The following MRAP2 variants were observed in gnomAD, a reference collection of about 807,000 sequenced individuals.
The protein encoded by MRAP2 is melanocortin-2 receptor accessory protein 2.
A neutral mutation model predicts 17.4 loss-of-function variants in MRAP2; 20 were observed. The observed-to-expected ratio is 1.15, with a 90% CI of 0.81 to 1.67. MRAP2 has a LOEUF of 1.67. MRAP2 is among the 40% of genes most tolerant of loss of function. The probability of loss-of-function intolerance (pLI) is 0.00; values close to 1 mark genes in which losing one functional copy is unlikely to be tolerated. For missense variants in MRAP2, 238 were observed against 240.0 expected, an observed-to-expected ratio of 0.99 and a Z score of 0.05; for synonymous variants, 96 against 88.4, an observed-to-expected ratio of 1.09 and a Z score of -0.48.
rs114966101 is a variant in MRAP2 at position 84,053,622 on chromosome 6, G to A, written c.-7-1690G>A. Among the ~76,000 whole-genome samples, 852 of 152,274 alleles carry A rather than the reference G, an allele frequency of 5.6e-3. 10 individuals carry two copies. Among genetic ancestry groups the A allele is most frequent in the African/African-American group, 0.019 (790 of 41,558 alleles). On this transcript the variant is annotated intron_variant, in intron 1 of 3. Coordinates refer to ENST00000257776, the MANE Select transcript of MRAP2 (RefSeq NM_138409.4). ...TGGGTGTGTCTGAAGAACAAAGCGA[G>A]GCTTTTCTATTCAAGATCAGCATTT...
intron 1 of MRAP2, among the ~76,000 whole-genome samples, chr6:84,034,527 C>T (rs61314806): frequency 1.4e-5 from 2 of 147,298 alleles, no homozygotes; most frequent in African/African-American, 5.1e-5. Context: ...CCCCGTGCCC[C>T]GTGCCTTTCC....
the MRAP2 span, among the ~76,000 whole-genome samples, chr6:84,105,669 T>C: frequency 6.6e-6 from 1 of 152,124 alleles, no homozygotes; most frequent in African/African-American, 2.4e-5. Flanking sequence ...TCTACCTCCA[T>C]TGTGGAGTAG....
chr6:84,140,964 C>T, the MRAP2 span, among the ~76,000 whole-genome samples: 2 of 152,170 alleles, frequency 1.3e-5, no homozygotes, highest in Non-Finnish European at 1.5e-5. Flanking sequence ...TCAAGCTCAT[C>T]ACATTTATCA....
chr6:84,037,647 C>T lies in MRAP2; in HGVS notation c.-8+3764C>T, dbSNP rs144179408. 2.6e-3 allele frequency among the ~76,000 whole-genome samples: 390 copies of T among 152,278 alleles called. 5 individuals carry two copies. The highest frequency in any genetic ancestry group is 8.8e-3 in the African/African-American group (364 of 41,570). On this transcript the variant is annotated intron_variant, in intron 1 of 3. Transcript: ENST00000257776. ...GCCCCACAGGGAGGCGGCTGAGGCCCGGTGAGAATTTGAGTGCGGCGCAGG... is the reference window on the plus strand; with the variant it reads ...GCCCCACAGGGAGGCGGCTGAGGCCTGGTGAGAATTTGAGTGCGGCGCAGG...
At chr6:84,111,299 TC>T in the MRAP2 span, among the ~76,000 whole-genome samples, 7 of 152,328 alleles carry the variant, frequency 4.6e-5, no homozygotes, top group Middle Eastern at 3.4e-3. Flanking sequence ...GGTTTGTAGT[TC>T]TCCTTGAAGC....
intron 2 of MRAP2, among the ~76,000 whole-genome samples, chr6:84,060,994 T>C (rs1311365519): frequency 6.6e-6 from 1 of 151,924 alleles, no homozygotes; most frequent in Non-Finnish European, 1.5e-5. Flanking sequence ...CCACTGCGCC[T>C]GGCCCTTATG....
At chr6:84,115,790 C>A in the MRAP2 span, among the ~76,000 whole-genome samples, 1 of 152,110 alleles carries the variant, frequency 6.6e-6, no homozygotes, top group African/African-American at 2.4e-5. Flanking sequence ...GTTCACTGTT[C>A]CTCATGTCAC....
chr6:84,117,353 T>G, the MRAP2 span, among the ~76,000 whole-genome samples: 7 of 152,156 alleles, frequency 4.6e-5, no homozygotes, highest in Non-Finnish European at 1.0e-4. Context: ...TTATCTCTGC[T>G]GAGTTTTGGT....
At chr6:84,042,922 T>TA (rs1323698365) in intron 1 of MRAP2, among the ~76,000 whole-genome samples, 1 of 152,244 alleles carries the variant, frequency 6.6e-6, no homozygotes, top group Non-Finnish European at 1.5e-5. Flanking sequence ...GAGCTGGAAA[T>TA]ACCTGGTACC....
chr6:84,125,220 T>A, the MRAP2 span: 1 of 1,613,546 alleles, frequency 6.2e-7, no homozygotes, highest in Non-Finnish European at 8.5e-7. Flanking sequence ...GTCTTTTCCA[T>A]TTTTCAACTT....
intron 2 of MRAP2, among the ~76,000 whole-genome samples, chr6:84,061,223 A>C (rs1184394705): frequency 7.9e-5 from 12 of 152,222 alleles, no homozygotes; most frequent in Admixed American, 7.9e-4. Context: ...ACATAATTTA[A>C]TTAGAATAAA....
intron 2 of MRAP2, 76 bp from the exon 3 acceptor site, chr6:84,062,817 C>T: frequency 6.3e-7 from 1 of 1,598,586 alleles, no homozygotes. Flanking sequence ...AAAGCCTCTC[C>T]AAAAAGCTCT....
At chr6:84,128,038 T>A in the MRAP2 span, among the ~76,000 whole-genome samples, 3 of 152,224 alleles carry the variant, frequency 2.0e-5, no homozygotes, top group Non-Finnish European at 4.4e-5. Context: ...ACTCCTCACA[T>A]AAAATGTAAG....
chr6:84,119,307 A>G, the MRAP2 span, among the ~76,000 whole-genome samples: 2 of 152,202 alleles, frequency 1.3e-5, no homozygotes, highest in Non-Finnish European at 2.9e-5. Flanking sequence ...ATTTATGAAT[A>G]TGGGATTTCT....
chr6:84,056,455 C>T (rs1473337528), intron 2 of MRAP2, among the ~76,000 whole-genome samples: 1 of 152,052 alleles, frequency 6.6e-6, no homozygotes, highest in Non-Finnish European at 1.5e-5. Flanking sequence ...GTCCTTTACC[C>T]CTTAAGTGAG....
rs756773175 is a variant in MRAP2 at position 84,089,621 on chromosome 6, C to G, written c.*140C>G. 8 of 1,000,114 alleles carry G rather than the reference C, an allele frequency of 8.0e-6. No homozygotes were observed. Among genetic ancestry groups the G allele is most frequent in the Non-Finnish European group, 1.2e-5 (8 of 690,862 alleles). 62.0% of individuals were successfully genotyped at this position (1,000,114 alleles called of 1,614,324 possible). ...AGACAGAGAGGCAGAGAAGAGACCC[C>G]TTTAGAAGAGAGCTGAGCTGATTAA... On this transcript the variant is annotated 3_prime_UTR_variant, in exon 4 of 4. Transcript: ENST00000257776.
At chr6:84,088,266 A>G (rs2099500983) in intron 3 of MRAP2, among the ~76,000 whole-genome samples, 1 of 152,226 alleles carries the variant, frequency 6.6e-6, no homozygotes, top group Non-Finnish European at 1.5e-5. Context: ...GATGGTGATT[A>G]AAGTAGATGG....
chr6:84,064,452 G>A (rs1174664482), intron 3 of MRAP2, among the ~76,000 whole-genome samples: 1 of 152,002 alleles, frequency 6.6e-6, no homozygotes, highest in Non-Finnish European at 1.5e-5. Context: ...GTGAATATAA[G>A]TTTCACAGGA....
At chr6:84,131,796 G>A in the MRAP2 span, among the ~76,000 whole-genome samples, 515 of 152,156 alleles carry the variant, frequency 3.4e-3, 2 homozygotes, top group African/African-American at 0.012. Context: ...TCTTTATCCA[G>A]TTTGCCAGTC....
Sources: gnomAD v4.1 joint callset for allele counts (sites outside exome capture counted in the v4.1 genomes callset) on GRCh38, gnomAD v4.1.1 for gene constraint, MANE v1.5 for transcripts, NCBI Gene and HGNC (gene_info 2026-07-23, HGNC 2026-07-21) for gene names.